Variants in NRXN1 observed in about 807,000 individuals in gnomAD.
The protein encoded by NRXN1 is neurexin-1.
In NRXN1, 39 loss-of-function variants were observed where a neutral mutation model predicts 150.9. The observed-to-expected ratio is 0.26, with a 90% CI of 0.20 to 0.34. The LOEUF is 0.34. Among genes scored for constraint, NRXN1 ranks in the 10% least tolerant of loss-of-function variants. The probability of loss-of-function intolerance (pLI) is 1.00; values close to 1 mark genes in which losing one functional copy is unlikely to be tolerated. For missense variants in NRXN1, 1,815 were observed against 1,949.9 expected, an observed-to-expected ratio of 0.93 and a Z score of 1.30; for synonymous variants, 924 against 757.0, an observed-to-expected ratio of 1.22 and a Z score of -3.62.
At chr2:50,899,304 G>A (rs1416216347) in intron 5 of NRXN1, among the ~76,000 whole-genome samples, 3 of 152,116 alleles carry the variant, frequency 2.0e-5, no homozygotes, top group South Asian at 4.1e-4. Flanking sequence ...AATTGAAAAC[G>A]TTATCAGATA....
intron 18 of NRXN1, among the ~76,000 whole-genome samples, chr2:50,139,937 A>G (rs935409481): frequency 3.3e-5 from 5 of 152,182 alleles, no homozygotes; most frequent in African/African-American, 1.2e-4. Flanking sequence ...ATATTTAATC[A>G]AAGCAAAAAT....
chr2:50,992,464 T>C (rs1698679949), intron 2 of NRXN1, among the ~76,000 whole-genome samples: 2 of 152,050 alleles, frequency 1.3e-5, no homozygotes, highest in Middle Eastern at 3.4e-3. Flanking sequence ...TAATAGAAAT[T>C]ATCAGCTGGT....
At chr2:50,761,363 G>A (rs1701782651) in intron 5 of NRXN1, among the ~76,000 whole-genome samples, 1 of 151,690 alleles carries the variant, frequency 6.6e-6, no homozygotes, top group South Asian at 2.1e-4. Flanking sequence ...GTTTTTCCTG[G>A]CCGTTCTCAT....
chr2:50,252,908 C>A (rs1159204555), intron 17 of NRXN1, among the ~76,000 whole-genome samples: 2 of 151,936 alleles, frequency 1.3e-5, no homozygotes, highest in Non-Finnish European at 2.9e-5. Context: ...TTTTTTGGTT[C>A]CATATGAATT....
At chr2:51,007,625 T>C (rs1228261290) in intron 2 of NRXN1, among the ~76,000 whole-genome samples, 2 of 151,884 alleles carry the variant, frequency 1.3e-5, no homozygotes, top group African/African-American at 4.8e-5. Flanking sequence ...TAGTTTTTGA[T>C]AAAGGATAAA....
chr2:50,547,298 A>G (rs2093516443), intron 9 of NRXN1, among the ~76,000 whole-genome samples: 1 of 150,924 alleles, frequency 6.6e-6, no homozygotes, highest in Non-Finnish European at 1.5e-5. Context: ...GATGGTTTAC[A>G]AAATAAATAA....
chr2:50,703,548 AT>A (rs1481723745), intron 5 of NRXN1, among the ~76,000 whole-genome samples: 1 of 152,150 alleles, frequency 6.6e-6, no homozygotes, highest in Admixed American at 6.5e-5. Context: ...CATTTAAAGT[AT>A]GTTTTGGTGA....
intron 5 of NRXN1, among the ~76,000 whole-genome samples, chr2:50,702,356 G>GA (rs59520961): frequency 7.4e-5 from 11 of 147,658 alleles, no homozygotes; most frequent in African/African-American, 2.5e-4. Flanking sequence ...ATGTTGTAAT[G>GA]AAAAAAAAAA....
intron 5 of NRXN1, among the ~76,000 whole-genome samples, chr2:50,889,447 T>C (rs1243577874): frequency 6.6e-6 from 1 of 151,750 alleles, no homozygotes; most frequent in East Asian, 1.9e-4. Flanking sequence ...CGTAAGTTCA[T>C]GCAAGTAAAA....
chr2:50,960,307 A>ATCCC (rs374864367), intron 2 of NRXN1, among the ~76,000 whole-genome samples: 351 of 150,706 alleles, frequency 2.3e-3, no homozygotes, highest in African/African-American at 8.1e-3. Context: ...TTCTCTCCTC[A>ATCCC]TCCCTCCCTC....
chr2:50,567,802 T>A (rs376796132), intron 8 of NRXN1, among the ~76,000 whole-genome samples: 179 of 152,294 alleles, frequency 1.2e-3, no homozygotes, highest in Admixed American at 4.1e-3. Flanking sequence ...GTCATTAAAA[T>A]CACTTTTATT....
At chr2:50,060,925 A>T (rs931906958) in intron 19 of NRXN1, among the ~76,000 whole-genome samples, 1 of 152,212 alleles carries the variant, frequency 6.6e-6, no homozygotes, top group Admixed American at 6.5e-5. Context: ...AAATGGAAAC[A>T]TTGTGAAGAC....
At position 51,027,659 on chromosome 2, in the gene NRXN1, G is replaced by T. The variant is rs1222217816; in HGVS notation, c.615C>A (p.Asp205Glu). ...LPVDSGEVKL[D>E]DEPPNSGGGS... ...CCCCGCCGCTGTTGGGCGGCTCATC[G>T]TCCAGCTTCACCTCGCCGCTGTCCA... Residue 205 changes from aspartate to glutamate, a missense_variant, in exon 2 of 23, where the codon GAC (aspartate) becomes GAA (glutamate). By Grantham distance (45) the Asp-to-Glu change is conservative. Transcript: ENST00000401669. 6.2e-7 allele frequency: 1 copy of T among 1,601,766 alleles called. No individual in the cohort carries two copies. The highest frequency in any genetic ancestry group is 8.5e-7 in the Non-Finnish European group (1 of 1,174,346).
intron 17 of NRXN1, among the ~76,000 whole-genome samples, chr2:50,432,057 G>T (rs879474602): frequency 6.6e-6 from 1 of 151,630 alleles, no homozygotes; most frequent in Non-Finnish European, 1.5e-5. Context: ...CTTGCCAAAA[G>T]TATTGCTCGA....
At chr2:50,215,065 A>C (rs1270345941) in intron 18 of NRXN1, among the ~76,000 whole-genome samples, 1 of 151,988 alleles carries the variant, frequency 6.6e-6, no homozygotes, top group Non-Finnish European at 1.5e-5. Flanking sequence ...ATTTTAGATA[A>C]TATGTTATTT....
intron 18 of NRXN1, among the ~76,000 whole-genome samples, chr2:50,163,813 C>T (rs930991957): frequency 2.0e-5 from 3 of 152,128 alleles, no homozygotes; most frequent in Non-Finnish European, 4.4e-5. Flanking sequence ...ACTGTACAAA[C>T]ACATGATGCC....
intron 2 of NRXN1, among the ~76,000 whole-genome samples, chr2:50,991,413 G>A (rs1053922065): frequency 1.3e-5 from 2 of 151,954 alleles, no homozygotes; most frequent in African/African-American, 4.8e-5. Flanking sequence ...TGTGATGATG[G>A]AGAGCTGGTT....
intron 5 of NRXN1, among the ~76,000 whole-genome samples, chr2:50,633,400 T>A (rs1045865323): frequency 6.6e-6 from 1 of 152,064 alleles, no homozygotes; most frequent in Non-Finnish European, 1.5e-5. Flanking sequence ...GAGAGGGTAA[T>A]AAATATGTGA....
At chr2:50,161,967 G>C (rs6731397) in intron 18 of NRXN1, among the ~76,000 whole-genome samples, 41,504 of 151,942 alleles carry the variant, frequency 0.27, 6,858 homozygotes, top group African/African-American at 0.43. Flanking sequence ...ACAACAACAA[G>C]AAAAATGTTT....
Sources: gnomAD v4.1 joint callset for allele counts (sites outside exome capture counted in the v4.1 genomes callset) on GRCh38, gnomAD v4.1.1 for gene constraint, MANE v1.5 for transcripts, NCBI Gene and HGNC (gene_info 2026-07-23, HGNC 2026-07-21) for gene names.